The following CIB2 variants were observed in gnomAD, a reference collection of about 807,000 sequenced individuals.
The protein encoded by CIB2 is calcium and integrin binding family member 2, also known as calcium and integrin-binding family member 2.
A neutral mutation model predicts 23.1 loss-of-function variants in CIB2; 19 were observed. The ratio of observed to expected loss-of-function variants is 0.82; its 90% confidence interval spans 0.57 to 1.21. The LOEUF (loss-of-function observed/expected upper bound fraction) is 1.21, where lower values mean the gene tolerates loss of function less well. Among genes scored for constraint, CIB2 ranks in the 50% most tolerant of loss-of-function variants. The pLI is 0.00. For missense variants in CIB2, 220 were observed against 241.5 expected (o/e 0.91, Z 0.59); for synonymous variants, 94 against 91.7 (o/e 1.03, Z -0.14).
chr15:78,111,383 A>G (rs1250901778), intron 2 of CIB2, 107 bp from the exon 3 acceptor site: 6 of 861,714 alleles, frequency 7.0e-6, no homozygotes, highest in Non-Finnish European at 1.1e-5. Flanking sequence ...ATCCTCAGCC[A>G]GGACCAGGTA....
At chr15:78,108,792 A>G (rs911846727) in intron 4 of CIB2, among the ~76,000 whole-genome samples, 8 of 152,160 alleles carry the variant, frequency 5.3e-5, no homozygotes, top group African/African-American at 1.7e-4. Context: ...GCTGGCTCCC[A>G]CAGCCTGGCC....
chr15:78,105,791 G>A lies in CIB2; in HGVS notation c.490C>T (p.Leu164=), dbSNP rs1202282776. ...EEADLDGDGK[L]GFADFEDMIA... is the part of the protein sequence containing the mutation. ...ATGTCCTCGAAGTCAGCAAAGCCCAGCTTGCCGTCACCGTCCAAGTCAGCC... is the reference window on the plus strand; with the variant it reads ...ATGTCCTCGAAGTCAGCAAAGCCCAACTTGCCGTCACCGTCCAAGTCAGCC... Residue 164 remains leucine (L), a synonymous_variant, in exon 5 of 6, where the codon CTG becomes TTG. Coordinates refer to ENST00000258930, the MANE Select transcript of CIB2 (RefSeq NM_006383.4). 2 of 1,614,204 alleles carry A rather than the reference G, an allele frequency of 1.2e-6. No individual in the cohort carries two copies. The highest frequency in any genetic ancestry group is 1.7e-5 in the Admixed American group (1 of 60,028).
chr15:78,117,693 A>T (rs745797596), intron 2 of CIB2, among the ~76,000 whole-genome samples: 9 of 152,238 alleles, frequency 5.9e-5, no homozygotes, highest in Non-Finnish European at 1.0e-4. Flanking sequence ...CCAAGGCAAC[A>T]ACTAGCTGGG....
chr15:78,130,981 G>A (rs948821387), intron 1 of CIB2, among the ~76,000 whole-genome samples, 184 bp downstream of exon 1: 1 of 152,164 alleles, frequency 6.6e-6, no homozygotes, highest in African/African-American at 2.4e-5. Context: ...TTATTCCACC[G>A]GTGGGGAAAC....
chr15:78,105,713 A>G (rs1226573869), intron 5 of CIB2, 26 bp downstream of exon 5: 2 of 1,613,368 alleles, frequency 1.2e-6, no homozygotes, highest in Non-Finnish European at 8.5e-7. Context: ...TGCCCTGCCC[A>G]AGCCCGGCCC....
chr15:78,105,396 AG>A lies in CIB2; in HGVS notation c.543-65del. 8 of 1,609,386 alleles carry A rather than the reference AG, an allele frequency of 5.0e-6. No individual in the cohort carries two copies. In the South Asian group the frequency reaches 8.9e-5, roughly 18 times the overall value. ...TGGGTCGGGCAGGTAAAGGCTCCTC[AG>A]GGAAAAGCACAGCAGGCCCCAGCCC... On this transcript the variant is annotated intron_variant, in intron 5 of 5. Transcript: ENST00000258930.
chr15:78,109,086 C>T lies in CIB2; in HGVS notation c.346+149G>A, dbSNP rs145585553. The T allele has an allele frequency of 7.5e-4, 670 of 894,612 alleles. 4 individuals carry two copies. The East Asian group carries it at 0.017, about 23-fold the overall frequency. 55.4% of individuals were successfully genotyped at this position (894,612 alleles called of 1,614,324 possible). A position where few individuals can be genotyped will look rare whatever the true frequency, so the allele number is the denominator to read the frequency against. On this transcript the variant is annotated intron_variant, in intron 4 of 5. Coordinates refer to ENST00000258930, the MANE Select transcript of CIB2 (RefSeq NM_006383.4). ...TCAGGGACTGATCGTCTCCCTTGGCCACCCCACTGGACAGGCACTCTTCAG... is the reference window on the plus strand; with the variant it reads ...TCAGGGACTGATCGTCTCCCTTGGCTACCCCACTGGACAGGCACTCTTCAG...
At position 78,120,653 on chromosome 15, in the gene CIB2, C is replaced by A. The variant is rs999602276; in HGVS notation, c.86+3052G>T. The A allele has an allele frequency of 4.1e-6, 4 of 978,598 alleles. No individual in the cohort carries two copies. The African/African-American group carries it at 7.2e-5, about 18-fold the overall frequency. 60.6% of individuals were successfully genotyped at this position (978,598 alleles called of 1,614,324 possible). A position where few individuals can be genotyped will look rare whatever the true frequency, so the allele number is the denominator to read the frequency against. ...CAGGAGCTGTGTCCTGGGGAGCAATCGGATCTACCTGGGTGGGGGCAGGGC... is the reference window on the plus strand; with the variant it reads ...CAGGAGCTGTGTCCTGGGGAGCAATAGGATCTACCTGGGTGGGGGCAGGGC... On this transcript the variant is annotated intron_variant, in intron 2 of 5. Transcript: ENST00000258930.
chr15:78,107,582 C>A (rs2074090379), intron 4 of CIB2, among the ~76,000 whole-genome samples: 1 of 152,194 alleles, frequency 6.6e-6, no homozygotes. Context: ...CTCCCCACTC[C>A]ACCCCCAGCC....
chr15:78,120,165 A>G (rs941980209), intron 2 of CIB2, among the ~76,000 whole-genome samples: 1 of 152,098 alleles, frequency 6.6e-6, no homozygotes, highest in African/African-American at 2.4e-5. Flanking sequence ...CGGCCTCTCA[A>G]AGTGCTAGGA....
intron 1 of CIB2, among the ~76,000 whole-genome samples, chr15:78,125,333 G>A (rs1043386150): frequency 1.3e-5 from 2 of 152,152 alleles, no homozygotes; most frequent in African/African-American, 4.8e-5. Flanking sequence ...GAAGGGCCAG[G>A]GCTCTCCCAC....
chr15:78,125,152 C>G (rs777978120), intron 1 of CIB2, among the ~76,000 whole-genome samples: 1 of 152,188 alleles, frequency 6.6e-6, no homozygotes, highest in African/African-American at 2.4e-5. Flanking sequence ...GGAAGCAGTG[C>G]CCCCTGCTCC....
Position 78,131,206 on chromosome 15 carries a change from T to G in CIB2, c.10A>C (p.Lys4Gln), listed in dbSNP as rs1428919642. 6.4e-7 allele frequency: 1 copy of G among 1,558,592 alleles called. No individual in the cohort carries two copies. Residue 4 changes from lysine (K) to glutamine (Q), a missense_variant, in exon 1 of 6, where the codon AAG (lysine) becomes CAG (glutamine). By Grantham distance (53) the Lys-to-Gln change is moderately conservative. Coordinates refer to ENST00000258930, the MANE Select transcript of CIB2 (RefSeq NM_006383.4). This position sits in a 1 kb window ranked among gnomAD's most constrained non-coding sequence, Gnocchi z 5.8. Reference sequence around the variant, plus strand: ...TGCTCTTCGGTGAAGATGGTCTGCTTGTTCCCCATGGTGGCCGCCGCGCCG... The same window carrying G: ...TGCTCTTCGGTGAAGATGGTCTGCTGGTTCCCCATGGTGGCCGCCGCGCCG... MGNKQTIFTEEQLD... is the reference protein window; with the variant it reads MGNQQTIFTEEQLD...
chr15:78,120,508 G>A (rs954126736), intron 2 of CIB2: 22 of 978,790 alleles, frequency 2.2e-5, no homozygotes, highest in African/African-American at 2.1e-4. Context: ...CTACTGTCCC[G>A]CTGATTAAAG....
intron 2 of CIB2, among the ~76,000 whole-genome samples, chr15:78,117,034 A>G (rs1429739227): frequency 1.3e-5 from 2 of 151,728 alleles, no homozygotes; most frequent in African/African-American, 4.8e-5. Context: ...AAACCATGAA[A>G]GTTTAACAAA....
Position 78,107,908 on chromosome 15 carries a change from A to C in CIB2, c.346+1327T>G, listed in dbSNP as rs2074095040. Among the ~76,000 whole-genome samples the C allele has an allele frequency of 2.0e-5, 3 of 152,228 alleles. No homozygotes were observed. The South Asian group carries it at 6.2e-4, about 32-fold the overall frequency. On this transcript the variant is annotated intron_variant, in intron 4 of 5. Transcript: ENST00000258930. ...AACGTCAGTCTGGGCGTGGTGGCTCACACCTGTAATCACAGCACTTTGGGA... is the reference window on the plus strand; with the variant it reads ...AACGTCAGTCTGGGCGTGGTGGCTCCCACCTGTAATCACAGCACTTTGGGA...
At chr15:78,108,436 G>T (rs935328091) in intron 4 of CIB2, among the ~76,000 whole-genome samples, 2 of 152,140 alleles carry the variant, frequency 1.3e-5, no homozygotes, top group Admixed American at 1.3e-4. Context: ...GGCCAGCAGA[G>T]GGGGTGAGCT....
intron 2 of CIB2, among the ~76,000 whole-genome samples, chr15:78,113,380 G>A (rs1403871117): frequency 2.6e-5 from 4 of 152,122 alleles, no homozygotes; most frequent in Non-Finnish European, 5.9e-5. Context: ...CAGGGCGGTG[G>A]GATCAAGCTG....
Position 78,131,128 on chromosome 15 carries a change from C to G in CIB2, c.51+37G>C. 1.4e-6 allele frequency: 2 copies of G among 1,453,676 alleles called. No individual in the cohort carries two copies. The highest frequency in any genetic ancestry group is 1.8e-6 in the Non-Finnish European group (2 of 1,087,974). The allele number at this position is 1,453,676 out of a possible 1,614,324, so 90.0% of individuals were successfully genotyped here. On this transcript the variant is annotated intron_variant, in intron 1 of 5. Transcript: ENST00000258930. The surrounding 1 kb of genome is among the most constrained non-coding windows in gnomAD (Gnocchi z 5.8). ...AGAAAAGGGAGGGGCGGCGGGGCGG[C>G]GGGGCCTGTGTTGGGGGCCGGGCGC...
Sources: gnomAD v4.1 joint callset for allele counts (sites outside exome capture counted in the v4.1 genomes callset) on GRCh38, gnomAD v4.1.1 for gene constraint, Gnocchi (gnomAD v3.1) non-coding constraint, MANE v1.5 for transcripts, NCBI Gene and HGNC (gene_info 2026-07-23, HGNC 2026-07-21) for gene names.